PAX5: variants seen among roughly 807,000 people sequenced by gnomAD.
PAX5 encodes the protein paired box protein Pax-5.
Under a neutral mutation model 43.7 loss-of-function variants are expected in PAX5, and 9 were observed. The observed-to-expected ratio is 0.21, with a 90% confidence interval of 0.12 to 0.36. The LOEUF (loss-of-function observed/expected upper bound fraction) is 0.36, where lower values mean the gene tolerates loss of function less well. PAX5 is among the 10% of genes least tolerant of loss of function. The pLI is 1.00. For missense variants in PAX5, 383 were observed against 532.7 expected, an observed-to-expected ratio of 0.72 and a Z score of 2.77; for synonymous variants, 228 against 214.3, an observed-to-expected ratio of 1.06 and a Z score of -0.56.
rs767894241 is a variant in PAX5, at chr9:37,020,771, A to AC, written c.76dup (p.Val26GlyfsTer49). 1 of 1,613,196 alleles carries AC rather than the reference A, an allele frequency of 6.2e-7. No individual in the cohort carries two copies. On this transcript the variant is annotated frameshift_variant, in exon 2 of 10. Transcript: ENST00000358127. LOFTEE classifies it high-confidence loss of function. ...CGGGAGTGGCCGTCCATTCACAAAA[A>AC]CCCCCCCAAGCTGATTCACTCCTCC...
In PAX5 at chr9:36,837,151, G is replaced by C. The variant is rs1821699699; in HGVS notation, c.*3409C>G. On this transcript the variant is annotated 3_prime_UTR_variant, in exon 10 of 10. Coordinates refer to ENST00000358127, the MANE Select transcript of PAX5 (RefSeq NM_016734.3). ...TCCCATGACAGGAGCACAACTCGGT[G>C]GAGAGAGAATGGGGCCTGGAGATCT... 1 of 233,022 alleles carries C rather than the reference G, an allele frequency of 4.3e-6. No homozygotes were observed. The highest frequency in any genetic ancestry group is 1.8e-4 in the South Asian group (1 of 5,514). The allele number at this position is 233,022 out of a possible 1,614,324, so 14.4% of individuals were successfully genotyped here. A position where few individuals can be genotyped will look rare whatever the true frequency, so the allele number is the denominator to read the frequency against.
chr9:36,872,170 C>A (rs1414538258), intron 8 of PAX5, among the ~76,000 whole-genome samples: 1 of 152,194 alleles, frequency 6.6e-6, no homozygotes, highest in Non-Finnish European at 1.5e-5. Flanking sequence ...GACATGGGAG[C>A]AGTGTGTAAG....
intron 8 of PAX5, among the ~76,000 whole-genome samples, chr9:36,847,987 T>A (rs1160529776): frequency 6.6e-6 from 1 of 152,042 alleles, no homozygotes; most frequent in Non-Finnish European, 1.5e-5. Flanking sequence ...CTGTATTCAG[T>A]AGAGGCCCTG....
At chr9:36,984,133 T>C (rs1836174389) in intron 5 of PAX5, among the ~76,000 whole-genome samples, 1 of 152,152 alleles carries the variant, frequency 6.6e-6, no homozygotes, top group African/African-American at 2.4e-5. Context: ...GAGCCTTCTC[T>C]CAGCTGTCTA....
At chr9:37,004,061 T>G (rs1252119342) in intron 4 of PAX5, among the ~76,000 whole-genome samples, 1 of 152,278 alleles carries the variant, frequency 6.6e-6, no homozygotes, top group Non-Finnish European at 1.5e-5. Flanking sequence ...GGAAAGTGAT[T>G]CAAAGTCATC....
intron 6 of PAX5, among the ~76,000 whole-genome samples, chr9:36,935,523 T>A (rs913576709): frequency 6.6e-6 from 1 of 152,150 alleles, no homozygotes; most frequent in African/African-American, 2.4e-5. Flanking sequence ...CCCAGACAGG[T>A]TCCCAAGTGG....
intron 6 of PAX5, among the ~76,000 whole-genome samples, chr9:36,948,691 C>T (rs996912274): frequency 6.6e-6 from 1 of 152,110 alleles, no homozygotes; most frequent in African/African-American, 2.4e-5. Flanking sequence ...GAAAAAGTTC[C>T]CAGAAACTCC....
At chr9:36,944,107 C>A (rs1280823684) in intron 6 of PAX5, among the ~76,000 whole-genome samples, 1 of 152,124 alleles carries the variant, frequency 6.6e-6, no homozygotes, top group Non-Finnish European at 1.5e-5. Context: ...TTGCTTGTGC[C>A]CCGGAGTTCA....
At chr9:36,860,376 G>C (rs1824096994) in intron 8 of PAX5, among the ~76,000 whole-genome samples, 1 of 149,090 alleles carries the variant, frequency 6.7e-6, no homozygotes, top group African/African-American at 2.6e-5. Flanking sequence ...TAAAAATCCA[G>C]ATGACCAGGC....
chr9:37,013,928 G>T (rs1839176066), intron 3 of PAX5, among the ~76,000 whole-genome samples: 2 of 152,234 alleles, frequency 1.3e-5, no homozygotes, highest in African/African-American at 4.8e-5. Context: ...ATCAGGACAA[G>T]AGGCTCTCAT....
chr9:37,015,675 G>A lies in PAX5; in HGVS notation c.213-481C>T, dbSNP rs1189439028. 6.6e-6 allele frequency among the ~76,000 whole-genome samples: 1 copy of A among 152,018 alleles called. No individual in the cohort carries two copies. The highest frequency in any genetic ancestry group is 1.9e-4 in the East Asian group (1 of 5,174). Reference sequence around the variant, plus strand: ...GCTCACTGCAACCTCCGCCTCCTGGGTTCAAGTGATTCTCCTGCCTCAGCC... The same window carrying A: ...GCTCACTGCAACCTCCGCCTCCTGGATTCAAGTGATTCTCCTGCCTCAGCC... On this transcript the variant is annotated intron_variant, in intron 2 of 9. Coordinates refer to ENST00000358127, the MANE Select transcript of PAX5 (RefSeq NM_016734.3). This position sits in a 1 kb window ranked among gnomAD's most constrained non-coding sequence, Gnocchi z 4.4.
At chr9:36,879,725 G>A (rs1010705480) in intron 8 of PAX5, among the ~76,000 whole-genome samples, 15 of 152,204 alleles carry the variant, frequency 9.9e-5, no homozygotes, top group Non-Finnish European at 1.9e-4. Context: ...GGACTGTTGC[G>A]TCATAGCACT....
At chr9:36,925,621 T>C (rs1385335894) in intron 6 of PAX5, among the ~76,000 whole-genome samples, 1 of 152,076 alleles carries the variant, frequency 6.6e-6, no homozygotes, top group East Asian at 1.9e-4. Flanking sequence ...AAAAAAGAAA[T>C]TGGATCTTCA....
chr9:36,905,709 G>C (rs1828763972), intron 7 of PAX5, among the ~76,000 whole-genome samples: 1 of 152,088 alleles, frequency 6.6e-6, no homozygotes, highest in African/African-American at 2.4e-5. Context: ...AAGGAGGATA[G>C]GAGAGGGAAA....
Position 37,015,241 on chromosome 9 carries a change from T to C in PAX5, c.213-47A>G, listed in dbSNP as rs770603381. ...GCTTAGCCATGAGGAACCAGTAAAG[T>C]GGATATTGGCAACAAAATAACGGGC... On this transcript the variant is annotated intron_variant, in intron 2 of 9. Coordinates refer to ENST00000358127, the MANE Select transcript of PAX5 (RefSeq NM_016734.3). The surrounding 1 kb of genome is among the most constrained non-coding windows in gnomAD (Gnocchi z 4.4). 6.5e-7 allele frequency: 1 copy of C among 1,537,676 alleles called. No individual in the cohort carries two copies. Among genetic ancestry groups the C allele is most frequent in the East Asian group, 2.3e-5 (1 of 44,428 alleles).
chr9:37,003,949 T>C (rs972828363), intron 4 of PAX5, among the ~76,000 whole-genome samples: 6 of 152,380 alleles, frequency 3.9e-5, no homozygotes, highest in South Asian at 2.1e-4. Flanking sequence ...AGAGCAATAA[T>C]ATACTTCACA....
At position 36,917,707 on chromosome 9, in the gene PAX5, CTG is replaced by C. The variant is rs1829831305; in HGVS notation, c.910+5646_910+5647del. Among the ~76,000 whole-genome samples the C allele has an allele frequency of 2.0e-5, 3 of 152,182 alleles. 1 individual carries two copies. In the South Asian group the frequency reaches 6.2e-4, roughly 32 times the overall value. On this transcript the variant is annotated intron_variant, in intron 7 of 9. Transcript: ENST00000358127. The stretch of plus-strand genomic sequence containing the variant: ...AGGATGCCCAGCACACCTCATTTTA[CTG>C]TGTTTCACTTTATTGTACTTCACAA...
In PAX5 at chr9:37,034,236, C is replaced by T. The variant is rs1047748922; in HGVS notation, c.-205G>A. ...CTAAACGTTTTAGGTGGAAAAAAAG[C>T]GTCCGAAGGCACCGTGAAATGATTA... On this transcript the variant is annotated 5_prime_UTR_variant, in exon 1 of 10. Coordinates refer to ENST00000358127, the MANE Select transcript of PAX5 (RefSeq NM_016734.3). The T allele has an allele frequency of 5.3e-6, 3 of 565,248 alleles. No homozygotes were observed. Among genetic ancestry groups the T allele is most frequent in the Middle Eastern group, 4.7e-4 (1 of 2,116 alleles). The allele number at this position is 565,248 out of a possible 1,614,324, so 35.0% of individuals were successfully genotyped here.
At chr9:36,949,290 G>A (rs575046402) in intron 6 of PAX5, among the ~76,000 whole-genome samples, 8 of 152,134 alleles carry the variant, frequency 5.3e-5, no homozygotes, top group Non-Finnish European at 1.2e-4. Context: ...TCGATCTCCT[G>A]ACCTCATGAT....
Sources: gnomAD v4.1 joint callset for allele counts (sites outside exome capture counted in the v4.1 genomes callset) on GRCh38, gnomAD v4.1.1 for gene constraint, Gnocchi (gnomAD v3.1) non-coding constraint, MANE v1.5 for transcripts, NCBI Gene and HGNC (gene_info 2026-07-23, HGNC 2026-07-21) for gene names.